Variants in PTPRT observed in about 807,000 individuals in gnomAD.
The protein encoded by PTPRT is protein tyrosine phosphatase receptor type T, also known as receptor-type tyrosine-protein phosphatase T.
A neutral mutation model predicts 176.8 loss-of-function variants in PTPRT; 56 were observed. That is an observed-to-expected ratio of 0.32 (90% confidence interval 0.26 to 0.40). The LOEUF is 0.40. Among genes scored for constraint, PTPRT ranks in the 10% least tolerant of loss-of-function variants. The pLI, the probability that PTPRT is intolerant of heterozygous loss-of-function variation, is 1.00. For synonymous variants in PTPRT, 783 were observed against 739.0 expected (o/e 1.06, Z -0.96); for missense variants, 1,540 against 1,908.2 (o/e 0.81, Z 3.60).
chr20:42,225,858 G>T (rs2055997171), intron 15 of PTPRT, among the ~76,000 whole-genome samples: 1 of 152,008 alleles, frequency 6.6e-6, no homozygotes, highest in South Asian at 2.1e-4. Flanking sequence ...TCGCCATGTT[G>T]GTCAGGCTGG....
intron 7 of PTPRT, among the ~76,000 whole-genome samples, chr20:42,639,066 A>G (rs1248230036): frequency 6.6e-6 from 1 of 152,140 alleles, no homozygotes; most frequent in Non-Finnish European, 1.5e-5. Context: ...TAAGTTATTA[A>G]TGTCTCCAAT....
At chr20:42,507,133 G>C (rs2071861085) in intron 7 of PTPRT, among the ~76,000 whole-genome samples, 1 of 152,076 alleles carries the variant, frequency 6.6e-6, no homozygotes, top group Admixed American at 6.6e-5. Context: ...ATATATCCAT[G>C]GGCAGGTTAG....
chr20:42,082,450 C>T (rs1347678593), intron 29 of PTPRT, among the ~76,000 whole-genome samples: 2 of 152,206 alleles, frequency 1.3e-5, no homozygotes, highest in African/African-American at 4.8e-5. Context: ...TCTGGGTCCA[C>T]TTAAACATCC....
intron 16 of PTPRT, among the ~76,000 whole-genome samples, chr20:42,183,851 C>A (rs1472675701): frequency 3.3e-5 from 5 of 152,120 alleles, no homozygotes; most frequent in Non-Finnish European, 7.4e-5. Flanking sequence ...GGAGGACTAG[C>A]ATTTCTCCTG....
At chr20:42,558,188 T>C (rs538017642) in intron 7 of PTPRT, among the ~76,000 whole-genome samples, 2 of 152,280 alleles carry the variant, frequency 1.3e-5, no homozygotes, top group South Asian at 4.1e-4. Flanking sequence ...CCCCTCTATG[T>C]GTCCATGTGT....
chr20:42,653,633 T>C (rs1202131746), intron 7 of PTPRT, among the ~76,000 whole-genome samples: 3 of 152,362 alleles, frequency 2.0e-5, no homozygotes, highest in East Asian at 3.9e-4. Context: ...ACACCTGCAT[T>C]CTACCTTTGA....
At chr20:42,984,548 T>C (rs752183533) in intron 1 of PTPRT, among the ~76,000 whole-genome samples, 59 of 152,216 alleles carry the variant, frequency 3.9e-4, no homozygotes, top group Non-Finnish European at 6.9e-4. Context: ...TAGTTAACTC[T>C]GCAGCTCCCT....
At chr20:42,532,681 T>A (rs972812904) in intron 7 of PTPRT, among the ~76,000 whole-genome samples, 1 of 152,162 alleles carries the variant, frequency 6.6e-6, no homozygotes, top group African/African-American at 2.4e-5. Flanking sequence ...CTTAAATAAC[T>A]AAAGAGGCCC....
Position 42,740,916 on chromosome 20 carries a change from T to A in PTPRT, c.859+15546A>T, listed in dbSNP as rs61602851. Among the ~76,000 whole-genome samples the A allele has an allele frequency of 3.1e-3, 467 of 152,274 alleles. 4 individuals carry two copies. The highest frequency in any genetic ancestry group is 0.011 in the African/African-American group (448 of 41,546). ...ATTGAGGACATTTGTATTTCTATGC[T>A]ATAAACCCCTTCCAGTACCCTAAAT... is the stretch of plus-strand genomic sequence containing the variant. On this transcript the variant is annotated intron_variant, in intron 6 of 30. Transcript: ENST00000373187.
intron 1 of PTPRT, among the ~76,000 whole-genome samples, chr20:43,186,046 C>T (rs1190848932): frequency 2.6e-5 from 4 of 152,232 alleles, no homozygotes; most frequent in Non-Finnish European, 5.9e-5. Flanking sequence ...TACACCTGTG[C>T]TGAGGTCAGT....
chr20:43,065,026 C>T (rs1987630065), intron 1 of PTPRT, among the ~76,000 whole-genome samples: 1 of 152,178 alleles, frequency 6.6e-6, no homozygotes, highest in African/African-American at 2.4e-5. Context: ...ATGGTCAAAA[C>T]TTCCTCTCTT....
chr20:42,748,737 G>A (rs1374652079), intron 6 of PTPRT, among the ~76,000 whole-genome samples: 1 of 152,100 alleles, frequency 6.6e-6, no homozygotes, highest in Admixed American at 6.5e-5. Flanking sequence ...TGTATGACAA[G>A]ACAGTAAAGC....
intron 9 of PTPRT, among the ~76,000 whole-genome samples, chr20:42,419,167 A>G (rs1354856097): frequency 6.6e-6 from 1 of 152,202 alleles, no homozygotes; most frequent in African/African-American, 2.4e-5. Flanking sequence ...CCTCTGATGC[A>G]TGAGGCCCCT....
At position 42,885,211 on chromosome 20, in the gene PTPRT, T is replaced by C. The variant is rs2079083114; in HGVS notation, c.214+596A>G. Reference sequence around the variant, plus strand: ...TTATAAAAATCTGTGGAAGTATCCCTAAATATATATATAAATTATATAATA... The same window carrying C: ...TTATAAAAATCTGTGGAAGTATCCCCAAATATATATATAAATTATATAATA... On this transcript the variant is annotated intron_variant, in intron 2 of 30. Coordinates refer to ENST00000373187, the MANE Select transcript of PTPRT (RefSeq NM_007050.6). Among the ~76,000 whole-genome samples, 4 of 147,368 alleles carry C rather than the reference T, an allele frequency of 2.7e-5. No homozygotes were observed. The Admixed American group carries it at 2.7e-4, about 10-fold the overall frequency.
intron 11 of PTPRT, among the ~76,000 whole-genome samples, chr20:42,337,107 T>C (rs1447239960): frequency 1.3e-5 from 2 of 152,146 alleles, no homozygotes; most frequent in Non-Finnish European, 2.9e-5. Flanking sequence ...GAAGAATGCA[T>C]ACTCACAATT....
At chr20:42,242,577 G>A (rs1383355706) in intron 14 of PTPRT, among the ~76,000 whole-genome samples, 4 of 152,186 alleles carry the variant, frequency 2.6e-5, no homozygotes, top group Non-Finnish European at 5.9e-5. Context: ...CTTAAACATG[G>A]GTAATAGCTG....
At chr20:42,798,365 A>G (rs929910409) in intron 2 of PTPRT, among the ~76,000 whole-genome samples, 2 of 152,230 alleles carry the variant, frequency 1.3e-5, no homozygotes, top group Non-Finnish European at 2.9e-5. Context: ...ATCAAAAGGC[A>G]CAATGCACTT....
At chr20:42,853,489 G>A (rs57781717) in intron 2 of PTPRT, among the ~76,000 whole-genome samples, 3,329 of 152,246 alleles carry the variant, frequency 0.022, 96 homozygotes, top group African/African-American at 0.063. Context: ...ATGAGAAGGT[G>A]TAAGTCTGGA....
chr20:42,816,569 TC>T (rs1050501812), intron 2 of PTPRT, among the ~76,000 whole-genome samples: 4 of 152,136 alleles, frequency 2.6e-5, no homozygotes, highest in East Asian at 1.9e-4. Context: ...GAGGGAGGTT[TC>T]CCCCATGCTG....
Sources: allele counts gnomAD v4.1 joint callset (sites outside exome capture counted in the v4.1 genomes callset), GRCh38; gene constraint gnomAD v4.1.1; transcripts MANE v1.5; gene names NCBI Gene and HGNC (gene_info 2026-07-23, HGNC 2026-07-21).